ALG1L2: variants seen among roughly 807,000 people sequenced by gnomAD.
The protein encoded by ALG1L2 is ALG1 chitobiosyldiphosphodolichol beta-mannosyltransferase like 2.
In ALG1L2, 32 loss-of-function variants were observed where a neutral mutation model predicts 29.0. The observed-to-expected ratio is 1.10, with a 90% CI of 0.83 to 1.48. The LOEUF (loss-of-function observed/expected upper bound fraction) is 1.48. ALG1L2 is among the 40% of genes most tolerant of loss of function. ALG1L2 has a pLI of 0.00. For synonymous variants in ALG1L2, 110 were observed against 109.5 expected (o/e 1.00, Z -0.03); for missense variants, 318 against 274.1 (o/e 1.16, Z -1.13).
intron 2 of ALG1L2, chr3:130,091,847 G>A (rs1175589505): frequency 1.4e-6 from 1 of 717,142 alleles, no homozygotes. Flanking sequence ...TTGGGTCCAG[G>A]GGATGACAAG....
At chr3:130,087,721 A>G (rs76439572) in intron 1 of ALG1L2, among the ~76,000 whole-genome samples, 129 of 113,088 alleles carry the variant, frequency 1.1e-3, no homozygotes, top group Middle Eastern at 6.1e-3. Context: ...TTTTTGCAAC[A>G]CTTCCATGTC....
At chr3:130,084,137 G>T (rs1372177328) in intron 1 of ALG1L2, among the ~76,000 whole-genome samples, 1 of 134,614 alleles carries the variant, frequency 7.4e-6, no homozygotes, top group Admixed American at 7.7e-5. Flanking sequence ...GGAACTGTGG[G>T]CAGGGATGCT....
At chr3:130,091,869 T>C (rs1935020726) in intron 2 of ALG1L2, 1 of 767,602 alleles carries the variant, frequency 1.3e-6, no homozygotes, top group Non-Finnish European at 2.2e-6. Flanking sequence ...CAGTAAGTCC[T>C]GTGGAGAAAA....
At position 130,091,578 on chromosome 3, in the gene ALG1L2, T is replaced by C. The variant is rs529382077; in HGVS notation, c.131+207T>C. On this transcript the variant is annotated intron_variant, in intron 2 of 7. Coordinates refer to ENST00000425059, the MANE Select transcript of ALG1L2 (RefSeq NM_001136152.1). ...GTCTACAGCCGCCTTTGAGCTACAATAGCAGAATCGCGTTTTGCAACAGAG... is the reference window on the plus strand; with the variant it reads ...GTCTACAGCCGCCTTTGAGCTACAACAGCAGAATCGCGTTTTGCAACAGAG... Among the ~76,000 whole-genome samples, 6 of 152,346 alleles carry C rather than the reference T, an allele frequency of 3.9e-5. No homozygotes were observed. In the South Asian group the frequency reaches 6.2e-4, roughly 16 times the overall value.
In ALG1L2 at chr3:130,082,406, C is replaced by T. The variant is rs560057271; in HGVS notation, c.20+370C>T. Among the ~76,000 whole-genome samples, 31 of 128,238 alleles carry T rather than the reference C, an allele frequency of 2.4e-4. 1 individual carries two copies. Among genetic ancestry groups the T allele is most frequent in the African/African-American group, 7.3e-4 (28 of 38,324 alleles). 84.1% of individuals were successfully genotyped at this position (128,238 alleles called of 152,430 possible). Reference sequence around the variant, plus strand: ...AGGCTGGAGTGCACTGGCACCATCTCGGCTTACTGCGACCTCCACCTCCCA... The same window carrying T: ...AGGCTGGAGTGCACTGGCACCATCTTGGCTTACTGCGACCTCCACCTCCCA... On this transcript the variant is annotated intron_variant, in intron 1 of 7. Coordinates refer to ENST00000425059, the MANE Select transcript of ALG1L2 (RefSeq NM_001136152.1).
intron 1 of ALG1L2, chr3:130,091,020 G>T: frequency 3.9e-6 from 2 of 510,420 alleles, no homozygotes; most frequent in Non-Finnish European, 7.1e-6. Context: ...CTTAGACCTA[G>T]CCTGGTGCAA....
At position 130,083,499 on chromosome 3, in the gene ALG1L2, C is replaced by T. The variant is rs199620926; in HGVS notation, c.20+1463C>T. ...AAACAGATGAATTAGTTTCCTGCAA[C>T]GTCTCACTGTTTCTGTGAGGCAAAA... On this transcript the variant is annotated intron_variant, in intron 1 of 7. Coordinates refer to ENST00000425059, the MANE Select transcript of ALG1L2 (RefSeq NM_001136152.1). Among the ~76,000 whole-genome samples, 134 of 121,390 alleles carry T rather than the reference C, an allele frequency of 1.1e-3. 18 individuals are homozygous for T. Among genetic ancestry groups the T allele is most frequent in the African/African-American group, 3.0e-3 (109 of 36,934 alleles). 79.6% of individuals were successfully genotyped at this position (121,390 alleles called of 152,430 possible).
rs1032903094 is a variant in ALG1L2 at position 130,093,267 on chromosome 3, C to G, written c.313+107C>G. 6 of 1,308,486 alleles carry G rather than the reference C, an allele frequency of 4.6e-6. No homozygotes were observed. The African/African-American group carries it at 8.9e-5, about 19-fold the overall frequency. 81.1% of individuals were successfully genotyped at this position (1,308,486 alleles called of 1,614,324 possible). A position where few individuals can be genotyped will look rare whatever the true frequency, so the allele number is the denominator to read the frequency against. ...CACGATCTTGTCTCCTTAATCCTCA[C>G]TGCAGCTCTCTGCCATAGGGTCTTA... On this transcript the variant is annotated intron_variant, in intron 4 of 7. Coordinates refer to ENST00000425059, the MANE Select transcript of ALG1L2 (RefSeq NM_001136152.1).
intron 1 of ALG1L2, among the ~76,000 whole-genome samples, chr3:130,083,275 C>T: frequency 7.3e-6 from 1 of 137,698 alleles, no homozygotes; most frequent in Non-Finnish European, 1.7e-5. Context: ...GAAACCCCGT[C>T]TCTATTAAAA....
chr3:130,095,175 A>C (rs1935103412), intron 5 of ALG1L2, among the ~76,000 whole-genome samples: 1 of 151,906 alleles, frequency 6.6e-6, no homozygotes, highest in Admixed American at 6.6e-5. Context: ...GGATTACAGG[A>C]GCTCTCCACA....
In ALG1L2 at chr3:130,091,279, C is replaced by A. The variant is rs762750900; in HGVS notation, c.39C>A (p.Asp13Glu). The change falls in exon 2 of 8, where the codon GAC (aspartate) becomes GAA (glutamate). Residue 13 changes from aspartate to glutamate, a missense_variant. Transcript: ENST00000425059. ...ATTGCAGGGCTGTGACCGTCTACGACAAGCCGGCATCTTTCTTTAAAGAGG... is the reference window on the plus strand; with the variant it reads ...ATTGCAGGGCTGTGACCGTCTACGAAAAGCCGGCATCTTTCTTTAAAGAGG... ...ATAGWAVTVY[D>E]KPASFFKEAP... 6.3e-7 allele frequency: 1 copy of A among 1,599,570 alleles called. No individual in the cohort carries two copies. Among genetic ancestry groups the A allele is most frequent in the Non-Finnish European group, 8.5e-7 (1 of 1,179,738 alleles).
At chr3:130,086,500 C>T (rs918160586) in intron 1 of ALG1L2, among the ~76,000 whole-genome samples, 1 of 149,530 alleles carries the variant, frequency 6.7e-6, no homozygotes, top group Non-Finnish European at 1.5e-5. Flanking sequence ...GACCTCGTCT[C>T]TACAACAACT....
At position 130,085,845 on chromosome 3, in the gene ALG1L2, A is replaced by G. The variant is rs143884409; in HGVS notation, c.20+3809A>G. ...GGAACCTAAATTTGCTGTGGCCACA[A>G]TCTCCGCAAAAACGCAATGTTTCTC... is the stretch of plus-strand genomic sequence containing the variant. On this transcript the variant is annotated intron_variant, in intron 1 of 7. Coordinates refer to ENST00000425059, the MANE Select transcript of ALG1L2 (RefSeq NM_001136152.1). Among the ~76,000 whole-genome samples, 1,176 of 149,748 alleles carry G rather than the reference A, an allele frequency of 7.9e-3. 8 individuals are homozygous for G. The highest frequency in any genetic ancestry group is 0.012 in the Non-Finnish European group (803 of 66,628).
intron 4 of ALG1L2, chr3:130,094,109 C>G: frequency 2.2e-6 from 1 of 448,410 alleles, no homozygotes; most frequent in Non-Finnish European, 4.1e-6. Context: ...GAAGGCTGGG[C>G]CCACCCAGTG....
intron 2 of ALG1L2, chr3:130,091,787 G>A: frequency 1.6e-6 from 1 of 617,818 alleles, no homozygotes; most frequent in Non-Finnish European, 3.0e-6. Flanking sequence ...CCTGAGGTGT[G>A]CCCCTGGGTA....
chr3:130,098,265 C>T lies in ALG1L2; in HGVS notation c.*10C>T. 6.3e-7 allele frequency: 1 copy of T among 1,596,464 alleles called. No homozygotes were observed. The highest frequency in any genetic ancestry group is 8.5e-7 in the Non-Finnish European group (1 of 1,179,782). Reference sequence around the variant, plus strand: ...TCTCAAACTTTCCTGATCCTGAAGGCAAGCTAAACCAGTTCCGGAAGAACC... The same window carrying T: ...TCTCAAACTTTCCTGATCCTGAAGGTAAGCTAAACCAGTTCCGGAAGAACC... On this transcript the variant is annotated 3_prime_UTR_variant, in exon 8 of 8. Coordinates refer to ENST00000425059, the MANE Select transcript of ALG1L2 (RefSeq NM_001136152.1).
intron 1 of ALG1L2, among the ~76,000 whole-genome samples, chr3:130,084,741 C>T (rs2108114318): frequency 7.9e-6 from 1 of 126,784 alleles, no homozygotes; most frequent in South Asian, 2.6e-4. Context: ...GGGCCAGGCT[C>T]CCTCTGAGGA....
intron 6 of ALG1L2, 128 bp from the exon 7 acceptor site, chr3:130,097,047 G>A (rs1346836081): frequency 2.0e-6 from 3 of 1,472,162 alleles, no homozygotes; most frequent in Non-Finnish European, 2.7e-6. Flanking sequence ...CCACCTCCCA[G>A]AAGCCACACA....
At chr3:130,098,140 T>A (rs1935185620) in intron 7 of ALG1L2, 83 bp from the exon 8 acceptor site, 2 of 1,570,666 alleles carry the variant, frequency 1.3e-6, no homozygotes, top group Admixed American at 1.8e-5. Flanking sequence ...GAGGGGTTGT[T>A]GTTGGGTCGG....
Sources: allele counts gnomAD v4.1 joint callset (sites outside exome capture counted in the v4.1 genomes callset), GRCh38; gene constraint gnomAD v4.1.1; transcripts MANE v1.5; gene names NCBI Gene and HGNC (gene_info 2026-07-23, HGNC 2026-07-21).